The following CCBE1 variants were observed in gnomAD, a reference collection of about 807,000 sequenced individuals.
The protein encoded by CCBE1 is collagen and calcium binding EGF domains 1, also known as collagen and calcium-binding EGF domain-containing protein 1.
In CCBE1, 37 loss-of-function variants were observed where a neutral mutation model predicts 50.0. The ratio of observed to expected loss-of-function variants is 0.74; its 90% CI spans 0.57 to 0.97. The LOEUF is 0.97. Ranked by LOEUF, CCBE1 falls within the 50% of genes least tolerant of loss-of-function variation. CCBE1 has a pLI of 0.00. For missense variants in CCBE1, 538 were observed against 523.8 expected (o/e 1.03, Z -0.26); for synonymous variants, 234 against 203.7 (o/e 1.15, Z -1.27).
intron 2 of CCBE1, among the ~76,000 whole-genome samples, chr18:59,669,069 C>G (rs190898154): frequency 1.2e-3 from 181 of 152,112 alleles, no homozygotes; most frequent in Non-Finnish European, 1.9e-3. Context: ...CCTGTGACCT[C>G]AAGTGATCCA....
intron 2 of CCBE1, among the ~76,000 whole-genome samples, chr18:59,518,821 G>T (rs1054730041): frequency 6.6e-6 from 1 of 152,166 alleles, no homozygotes. Flanking sequence ...CACACCCGCT[G>T]GCAGCCTAAA....
At chr18:59,646,129 T>G (rs1269872520) in intron 2 of CCBE1, among the ~76,000 whole-genome samples, 1 of 152,162 alleles carries the variant, frequency 6.6e-6, no homozygotes, top group Non-Finnish European at 1.5e-5. Flanking sequence ...CCTCCCCTAC[T>G]TTGCCTCAAA....
intron 2 of CCBE1, among the ~76,000 whole-genome samples, chr18:59,612,458 A>G (rs1351044354): frequency 6.6e-6 from 1 of 152,154 alleles, no homozygotes; most frequent in African/African-American, 2.4e-5. Context: ...TCTAGGGCTG[A>G]TGGAGAGTGC....
chr18:59,569,205 C>G (rs1045637758), intron 2 of CCBE1, among the ~76,000 whole-genome samples: 8 of 152,336 alleles, frequency 5.3e-5, no homozygotes, highest in African/African-American at 1.9e-4. Context: ...CTCATAAGGG[C>G]TGGGTTGGCT....
At chr18:59,571,593 G>A (rs540468584) in intron 2 of CCBE1, among the ~76,000 whole-genome samples, 1 of 152,108 alleles carries the variant, frequency 6.6e-6, no homozygotes, top group Non-Finnish European at 1.5e-5. Flanking sequence ...CCTGCACGTT[G>A]TGCGCATGTA....
chr18:59,551,224 G>A (rs1009185978), intron 2 of CCBE1, among the ~76,000 whole-genome samples: 1 of 152,028 alleles, frequency 6.6e-6, no homozygotes, highest in African/African-American at 2.4e-5. Flanking sequence ...CTACAAACCT[G>A]TACAACACGT....
intron 2 of CCBE1, among the ~76,000 whole-genome samples, chr18:59,624,658 C>T (rs117754081): frequency 3.5e-4 from 53 of 152,180 alleles, no homozygotes; most frequent in Non-Finnish European, 6.9e-4. Context: ...AGTACAAGTG[C>T]GGTTGTTTCA....
rs184636960 is a variant in CCBE1 at position 59,444,467 on chromosome 18, C to T, written c.775+3516G>A. Among the ~76,000 whole-genome samples the T allele has an allele frequency of 2.2e-4, 33 of 151,820 alleles. No individual in the cohort carries two copies. The South Asian group carries it at 2.3e-3, about 11-fold the overall frequency. The stretch of plus-strand genomic sequence containing the variant: ...TGACTGAACCATTTTACATTCACAC[C>T]AACAGTGCCCAGGGTTCCAATTTTT... On this transcript the variant is annotated intron_variant, in intron 7 of 10. Coordinates refer to ENST00000439986, the MANE Select transcript of CCBE1 (RefSeq NM_133459.4).
intron 2 of CCBE1, among the ~76,000 whole-genome samples, chr18:59,494,005 G>A (rs1913232226): frequency 6.6e-6 from 1 of 152,120 alleles, no homozygotes; most frequent in African/African-American, 2.4e-5. Flanking sequence ...CACCATGATT[G>A]TGAGGCCTCC....
At chr18:59,630,298 T>A (rs1156260946) in intron 2 of CCBE1, among the ~76,000 whole-genome samples, 6 of 152,124 alleles carry the variant, frequency 3.9e-5, no homozygotes, top group Non-Finnish European at 8.8e-5. Flanking sequence ...CATTTAATCT[T>A]CCTTCATAAA....
intron 2 of CCBE1, among the ~76,000 whole-genome samples, chr18:59,487,089 G>A (rs1405979033): frequency 6.7e-6 from 1 of 148,934 alleles, no homozygotes; most frequent in African/African-American, 2.5e-5. Flanking sequence ...TCATTCCAAA[G>A]CAACGAGCTC....
At chr18:59,675,277 C>T (rs937332368) in intron 2 of CCBE1, among the ~76,000 whole-genome samples, 12 of 152,116 alleles carry the variant, frequency 7.9e-5, no homozygotes, top group Non-Finnish European at 5.9e-5. Context: ...AAAACTGATT[C>T]GGCAGGAATT....
intron 2 of CCBE1, among the ~76,000 whole-genome samples, chr18:59,482,463 A>G (rs1277144821): frequency 1.3e-5 from 2 of 152,254 alleles, no homozygotes. Context: ...CCTAAGGATT[A>G]TAAATCATTC....
At chr18:59,516,321 A>G (rs1271455508) in intron 2 of CCBE1, among the ~76,000 whole-genome samples, 1 of 152,096 alleles carries the variant, frequency 6.6e-6, no homozygotes, top group Non-Finnish European at 1.5e-5. Flanking sequence ...GGGGACAAGG[A>G]CACAGACTTT....
At chr18:59,458,063 C>T (rs1598916513) in intron 5 of CCBE1, among the ~76,000 whole-genome samples, 1 of 152,316 alleles carries the variant, frequency 6.6e-6, no homozygotes, top group East Asian at 1.9e-4. Flanking sequence ...CTTTCATCCA[C>T]TCCATCTCAT....
At chr18:59,647,111 G>C (rs1251530424) in intron 2 of CCBE1, among the ~76,000 whole-genome samples, 1 of 152,156 alleles carries the variant, frequency 6.6e-6, no homozygotes, top group Non-Finnish European at 1.5e-5. Context: ...GAAAATCTTA[G>C]TAATAGTTTC....
intron 2 of CCBE1, among the ~76,000 whole-genome samples, chr18:59,585,274 C>T (rs1208083050): frequency 6.6e-6 from 1 of 152,282 alleles, no homozygotes; most frequent in African/African-American, 2.4e-5. Flanking sequence ...TACAAGCCCT[C>T]TTATCCCCCA....
chr18:59,498,010 C>T (rs528750017), intron 2 of CCBE1, among the ~76,000 whole-genome samples: 63 of 152,282 alleles, frequency 4.1e-4, no homozygotes, highest in African/African-American at 1.4e-3. Flanking sequence ...AGTAAGCCAA[C>T]AATGCGAGTG....
chr18:59,562,597 A>C (rs1280835107), intron 2 of CCBE1, among the ~76,000 whole-genome samples: 1 of 152,240 alleles, frequency 6.6e-6, no homozygotes, highest in Non-Finnish European at 1.5e-5. Flanking sequence ...GGGGATGTGC[A>C]CACGCGTACG....
Sources: allele counts gnomAD v4.1 joint callset (sites outside exome capture counted in the v4.1 genomes callset), GRCh38; gene constraint gnomAD v4.1.1; transcripts MANE v1.5; gene names NCBI Gene and HGNC (gene_info 2026-07-23, HGNC 2026-07-21).